PRDM13: variants seen among roughly 807,000 people sequenced by gnomAD.
PRDM13 encodes PR/SET domain 13.
PRDM13 carries 15 observed loss-of-function variants against 36.4 expected under a neutral mutation model. The observed-to-expected ratio is 0.41, with a 90% confidence interval of 0.28 to 0.64. PRDM13 has a LOEUF of 0.64. PRDM13 is among the 30% of genes least tolerant of loss of function. PRDM13 has a pLI of 0.29. For missense variants in PRDM13, 1,044 were observed against 1,013.5 expected (o/e 1.03, Z -0.41); for synonymous variants, 531 against 467.7 (o/e 1.14, Z -1.75).
At chr6:99,610,940 T>G (rs1293350734) in intron 3 of PRDM13, among the ~76,000 whole-genome samples, 1 of 152,182 alleles carries the variant, frequency 6.6e-6, no homozygotes, top group African/African-American at 2.4e-5. Flanking sequence ...CATTTTTTTT[T>G]TCTGGAGGTG....
chr6:99,608,025 G>C (rs1769974934), intron 1 of PRDM13, among the ~76,000 whole-genome samples: 1 of 152,330 alleles, frequency 6.6e-6, no homozygotes, highest in South Asian at 2.1e-4. Flanking sequence ...TAGAAGAAAG[G>C]ACTTTGGCTT....
In PRDM13 at chr6:99,613,008, C is replaced by A. The variant is rs776206211; in HGVS notation, c.398-25C>A. 6 of 1,611,848 alleles carry A rather than the reference C, an allele frequency of 3.7e-6. No homozygotes were observed. In the South Asian group the frequency reaches 4.4e-5, roughly 12 times the overall value. On this transcript the variant is annotated intron_variant, in intron 3 of 3. Transcript: ENST00000369215. The surrounding 1 kb of genome is among the most constrained non-coding windows in gnomAD (Gnocchi z 6.1). ...CTCGCTTGTTCGCCTCTCACCGGGT[C>A]GCTTTTCCATTCTTTCTTGCCCAGG...
chr6:99,613,470 T>G lies in PRDM13; in HGVS notation c.835T>G (p.Ser279Ala). The G allele has an allele frequency of 6.5e-7, 1 of 1,529,026 alleles. No individual in the cohort carries two copies. The highest frequency in any genetic ancestry group is 8.7e-7 in the Non-Finnish European group (1 of 1,146,516). 94.7% of individuals were successfully genotyped at this position (1,529,026 alleles called of 1,614,324 possible). ...CTTCCTCGGCATCGTGGGCGGCTCC[T>G]CGGCGGGGGTCGGCAGCCTGGCTTT... ...GHFLGIVGGS[S>A]AGVGSLAFYP... is the part of the protein sequence containing the mutation. Residue 279 changes from serine to alanine, a missense_variant, in exon 4 of 4, where the codon TCG (serine) becomes GCG (alanine). This residue lies in a region of PRDM13 where 921 missense variants were observed against 865.2 expected (regional missense o/e 1.06). Coordinates refer to ENST00000369215, the MANE Select transcript of PRDM13 (RefSeq NM_021620.4). This position sits in a 1 kb window ranked among gnomAD's most constrained non-coding sequence, Gnocchi z 6.1.
At position 99,608,784 on chromosome 6, in the gene PRDM13, C is replaced by A; in HGVS notation, c.188C>A (p.Ser63Tyr). 2 of 1,612,300 alleles carry A rather than the reference C, an allele frequency of 1.2e-6. No homozygotes were observed. Among genetic ancestry groups the A allele is most frequent in the Non-Finnish European group, 1.7e-6 (2 of 1,179,240 alleles). The change falls in exon 2 of 4, where the codon TCC becomes TAC. Residue 63 changes from serine to tyrosine, a missense_variant. By Grantham distance (144) the Ser-to-Tyr change is moderately radical. Transcript: ENST00000369215. ...GAGCTGGTGGACGAGTCGGGGGGCTCCCCTCTGGAGTGGATAGGGTTAATC... is the reference window on the plus strand; with the variant it reads ...GAGCTGGTGGACGAGTCGGGGGGCTACCCTCTGGAGTGGATAGGGTTAATC... ...RGELVDESGG[S>Y]PLEWIGLIRA...
intron 2 of PRDM13, 152 bp downstream of exon 2, chr6:99,609,024 T>G: frequency 7.2e-7 from 1 of 1,386,116 alleles, no homozygotes; most frequent in Non-Finnish European, 9.7e-7. Flanking sequence ...TAGTTACTAT[T>G]GTTTTTCCGT....
intron 1 of PRDM13, 90 bp from the exon 2 acceptor site, chr6:99,608,651 T>A: frequency 6.7e-7 from 1 of 1,493,060 alleles, no homozygotes; most frequent in Non-Finnish European, 8.9e-7. Context: ...ACCACTTTCC[T>A]GTGTTGGGTT....
At position 99,613,240 on chromosome 6, in the gene PRDM13, C is replaced by A; in HGVS notation, c.605C>A (p.Pro202His). 6.2e-7 allele frequency: 1 copy of A among 1,610,728 alleles called. No homozygotes were observed. ...CCCCCGGCGCCCGATTTCGCCGCGC[C>A]TTCCCAGGCAGGAACTTTGCGACCC... The part of the protein sequence containing the change: ...PKPPAPDFAA[P>H]SQAGTLRPHP... Residue 202 changes from proline to histidine, a missense_variant, in exon 4 of 4, where the codon CCT becomes CAT. Around this residue, in one of 3 missense-constraint regions of PRDM13, gnomAD observed 921 missense variants for 865.2 expected, o/e 1.06. Transcript: ENST00000369215. This position sits in a 1 kb window ranked among gnomAD's most constrained non-coding sequence, Gnocchi z 6.1.
In PRDM13 at chr6:99,613,165, C is replaced by T; in HGVS notation, c.530C>T (p.Ala177Val). Residue 177 changes from alanine (A) to valine (V), a missense_variant, in exon 4 of 4, where the codon GCT becomes GTT. Transcript: ENST00000369215. This position sits in a 1 kb window ranked among gnomAD's most constrained non-coding sequence, Gnocchi z 6.1. ...GCCTTCCTGCACCACGAACACGCGG[C>T]TCGCCAAGGCGCCGTCCCAGCGGCT... ...GGAFLHHEHA[A>V]RQGAVPAADG... The T allele has an allele frequency of 6.2e-7, 1 of 1,612,946 alleles. No homozygotes were observed. Among genetic ancestry groups the T allele is most frequent in the Admixed American group, 1.7e-5 (1 of 60,010 alleles).
rs1406398263 is a variant in PRDM13, at chr6:99,614,582, C to G, written c.1947C>G (p.Val649=). 2.5e-6 allele frequency: 4 copies of G among 1,612,534 alleles called. No homozygotes were observed. The East Asian group carries it at 8.9e-5, about 36-fold the overall frequency. ...GCCGCCGGGACCTGGAGCGACATGT[C>G]AAGTCCCGCCACCCTGGCCAGAGTC... ...LVRRRDLERH[V]KSRHPGQSLL... The change falls in exon 4 of 4, where the codon GTC becomes GTG. Residue 649 remains valine, a synonymous_variant. Coordinates refer to ENST00000369215, the MANE Select transcript of PRDM13 (RefSeq NM_021620.4).
Position 99,614,497 on chromosome 6 carries a change from G to A in PRDM13, c.1862G>A (p.Arg621Gln). Residue 621 changes from arginine to glutamine, a missense_variant, in exon 4 of 4, where the codon CGG becomes CAG. By Grantham distance (43) the Arg-to-Gln change is conservative. Coordinates refer to ENST00000369215, the MANE Select transcript of PRDM13 (RefSeq NM_021620.4). ...CCCAGCAATCTCAACAAGCACATCC[G>A]GCTGCACGCCGAGGGCAATACGCCC... Reference protein sequence around the residue: ...GDPSNLNKHIRLHAEGNTPYR... With the variant: ...GDPSNLNKHIQLHAEGNTPYR... The A allele has an allele frequency of 6.2e-7, 1 of 1,613,350 alleles. No homozygotes were observed. Among genetic ancestry groups the A allele is most frequent in the Non-Finnish European group, 8.5e-7 (1 of 1,180,010 alleles).
rs1431436682 is a variant in PRDM13, at chr6:99,613,291, A to C, written c.656A>C (p.Gln219Pro). 1.3e-6 allele frequency: 2 copies of C among 1,583,152 alleles called. No individual in the cohort carries two copies. Among genetic ancestry groups the C allele is most frequent in the Admixed American group, 3.5e-5 (2 of 56,454 alleles). The change falls in exon 4 of 4, where the codon CAG (glutamine) becomes CCG (proline). Residue 219 changes from glutamine to proline, a missense_variant. This residue lies in a region of PRDM13 where 921 missense variants were observed against 865.2 expected (regional missense o/e 1.06). Coordinates refer to ENST00000369215, the MANE Select transcript of PRDM13 (RefSeq NM_021620.4). This position sits in a 1 kb window ranked among gnomAD's most constrained non-coding sequence, Gnocchi z 6.1. The stretch of plus-strand genomic sequence containing the variant: ...CACCCCCTGGGCCCGCCACCAGTTC[A>C]GGCCTGCGGTGCGCGGGAGGGCATC... ...RPHPLGPPPV[Q>P]ACGAREGIKR...
At chr6:99,609,158 A>G in intron 2 of PRDM13, 29 bp from the exon 3 acceptor site, 2 of 1,611,764 alleles carry the variant, frequency 1.2e-6, no homozygotes, top group Non-Finnish European at 1.7e-6. Context: ...AGGAAATGAC[A>G]TTGAACTGTT....
In PRDM13 at chr6:99,613,763, G is replaced by A; in HGVS notation, c.1128G>A (p.Pro376=). 4 of 1,494,548 alleles carry A rather than the reference G, an allele frequency of 2.7e-6. No homozygotes were observed. Among genetic ancestry groups the A allele is most frequent in the African/African-American group, 1.5e-5 (1 of 68,638 alleles). 92.6% of individuals were successfully genotyped at this position (1,494,548 alleles called of 1,614,324 possible). The change falls in exon 4 of 4, where the codon CCG becomes CCA. Residue 376 remains proline, a synonymous_variant. Coordinates refer to ENST00000369215, the MANE Select transcript of PRDM13 (RefSeq NM_021620.4). This position sits in a 1 kb window ranked among gnomAD's most constrained non-coding sequence, Gnocchi z 6.1. ...CLLAGDPPPP[P]PPGLPCSGAL... ...TCGCTGGGGACCCGCCGCCGCCGCC[G>A]CCGCCTGGCCTGCCCTGCTCTGGGG... is the stretch of plus-strand genomic sequence containing the variant.
In PRDM13 at chr6:99,613,336, C is replaced by T. The variant is rs778602675; in HGVS notation, c.701C>T (p.Ala234Val). 15 of 1,551,166 alleles carry T rather than the reference C, an allele frequency of 9.7e-6. No homozygotes were observed. The highest frequency in any genetic ancestry group is 1.3e-5 in the Non-Finnish European group (15 of 1,153,384). The change falls in exon 4 of 4, where the codon GCG becomes GTG. Residue 234 changes from alanine (A) to valine (V), a missense_variant. By Grantham distance (64) the Ala-to-Val change is moderately conservative. Coordinates refer to ENST00000369215, the MANE Select transcript of PRDM13 (RefSeq NM_021620.4). The surrounding 1 kb of genome is among the most constrained non-coding windows in gnomAD (Gnocchi z 6.1). ...REGIKREASS[A>V]PSATSPTPGK... is the part of the protein sequence containing the mutation. ...GGCATCAAGCGCGAGGCCTCTTCCG[C>T]GCCCTCGGCCACCTCGCCGACCCCA...
chr6:99,615,102 C>T lies in PRDM13; in HGVS notation c.*343C>T, dbSNP rs1304618102. The T allele has an allele frequency of 3.1e-6, 1 of 319,526 alleles. No individual in the cohort carries two copies. The highest frequency in any genetic ancestry group is 5.7e-6 in the Non-Finnish European group (1 of 174,352). 19.8% of individuals were successfully genotyped at this position (319,526 alleles called of 1,614,324 possible). A position where few individuals can be genotyped will look rare whatever the true frequency, so the allele number is the denominator to read the frequency against. ...ATCAATGCGAACGTCACAGCGCCTT[C>T]GAGGGCGCAGATTTTAACTGCCACG... On this transcript the variant is annotated 3_prime_UTR_variant, in exon 4 of 4. Transcript: ENST00000369215.
chr6:99,609,346 C>G (rs1254073705), intron 3 of PRDM13, 39 bp downstream of exon 3: 9 of 1,602,866 alleles, frequency 5.6e-6, no homozygotes, highest in Non-Finnish European at 6.8e-6. Context: ...AAAGTCCAGC[C>G]CTCCTCCTCC....
chr6:99,611,774 T>A (rs1403662619), intron 3 of PRDM13, among the ~76,000 whole-genome samples: 1 of 152,224 alleles, frequency 6.6e-6, no homozygotes, highest in East Asian at 1.9e-4. Flanking sequence ...AATTTAACTT[T>A]CCTGTTAAAT....
rs1256631899 is a variant in PRDM13 at position 99,609,311 on chromosome 6, C to T, written c.397+4C>T. On this transcript the variant is annotated splice_donor_region_variant and intron_variant, in intron 3 of 3. Coordinates refer to ENST00000369215, the MANE Select transcript of PRDM13 (RefSeq NM_021620.4). The stretch of plus-strand genomic sequence containing the variant: ...ACTCCGACTCACGACGAGAAAGGTA[C>T]CCATTCCAAAAGCGTGGATGGGCAA... 6.2e-6 allele frequency: 10 copies of T among 1,613,882 alleles called. No homozygotes were observed. The highest frequency in any genetic ancestry group is 1.6e-4 in the Middle Eastern group (1 of 6,084).
At chr6:99,607,213 C>T in intron 1 of PRDM13, 35 bp downstream of exon 1, 3 of 1,608,124 alleles carry the variant, frequency 1.9e-6, no homozygotes, top group Non-Finnish European at 1.7e-6. Context: ...CACTGCCATT[C>T]GCCTCTCAGT....
Sources: allele counts gnomAD v4.1 joint callset (sites outside exome capture counted in the v4.1 genomes callset), GRCh38; gene constraint gnomAD v4.1.1; regional missense constraint gnomAD v4.1.1; non-coding constraint Gnocchi (gnomAD v3.1); transcripts MANE v1.5; gene names NCBI Gene and HGNC (gene_info 2026-07-23, HGNC 2026-07-21).